The following VRK3 variants were observed in gnomAD, a reference collection of about 807,000 sequenced individuals.
VRK3 encodes serine/threonine-protein kinase VRK3.
VRK3 carries 50 observed loss-of-function variants against 60.4 expected under a neutral mutation model. The observed-to-expected ratio is 0.83, with a 90% confidence interval of 0.66 to 1.05. VRK3 has a LOEUF of 1.05. Among genes scored for constraint, VRK3 ranks in the 50% least tolerant of loss-of-function variants. The pLI is 0.00. For synonymous variants in VRK3, 246 were observed against 227.8 expected (o/e 1.08, Z -0.72); for missense variants, 549 against 585.3 (o/e 0.94, Z 0.64).
chr19:49,980,563 A>G (rs1436951551), intron 13 of VRK3, among the ~76,000 whole-genome samples: 2 of 152,038 alleles, frequency 1.3e-5, no homozygotes, highest in South Asian at 4.2e-4. Context: ...TAAAAATACA[A>G]AAAACTAGCC....
chr19:50,017,941 A>G (rs1356103267), intron 2 of VRK3, among the ~76,000 whole-genome samples: 2 of 152,194 alleles, frequency 1.3e-5, no homozygotes, highest in East Asian at 3.8e-4. Context: ...GATTGTAGGC[A>G]TGAGCTACCA....
At chr19:49,990,788 T>A (rs1304160905) in intron 10 of VRK3, among the ~76,000 whole-genome samples, 2 of 151,732 alleles carry the variant, frequency 1.3e-5, no homozygotes, top group Non-Finnish European at 2.9e-5. Flanking sequence ...AAATAATTTT[T>A]TTTTTTTAAG....
At chr19:49,982,767 ATATATG>A (rs1259953333) in intron 12 of VRK3, among the ~76,000 whole-genome samples, 3 of 152,224 alleles carry the variant, frequency 2.0e-5, no homozygotes, top group Admixed American at 6.5e-5. Flanking sequence ...ACACATACAC[ATATATG>A]TATAACACAA....
At chr19:49,998,946 C>CAAAAAAAAA (rs1774705802) in intron 6 of VRK3, 1 of 45,634 alleles carries the variant, frequency 2.2e-5, no homozygotes, top group Non-Finnish European at 3.9e-5. Flanking sequence ...CCATCTCTAC[C>CAAAAAAAAA]AGAAAAAAAA....
rs4802645 is a variant in VRK3 at position 49,980,898 on chromosome 19, C to T, written c.1276+57G>A. The stretch of plus-strand genomic sequence containing the variant: ...AAGGAGAAGCCACCCCAAGATGGAT[C>T]TGAGCCACCAGGTCCTGCCCGAGTC... On this transcript the variant is annotated intron_variant, in intron 13 of 14. Coordinates refer to ENST00000316763, the MANE Select transcript of VRK3 (RefSeq NM_016440.4). The T allele has an allele frequency of 4.6e-6, 7 of 1,535,796 alleles. No individual in the cohort carries two copies. The Admixed American group carries it at 1.1e-4, about 25-fold the overall frequency.
In VRK3 at chr19:49,992,105, A is replaced by G. The variant is rs201546897; in HGVS notation, c.963+755T>C. On this transcript the variant is annotated intron_variant, in intron 10 of 14. Transcript: ENST00000316763. ...ACCTTCCTAAGACAGGAACTTGTGG[A>G]TCAAAAAACAGGTGCATTTTGGCCG... Among the ~76,000 whole-genome samples the G allele has an allele frequency of 1.5e-4, 23 of 152,324 alleles. No homozygotes were observed. The East Asian group carries it at 4.4e-3, about 29-fold the overall frequency.
chr19:50,010,059 T>TACAC (rs58061544), intron 3 of VRK3, among the ~76,000 whole-genome samples: 6,863 of 151,058 alleles, frequency 0.045, 295 homozygotes, highest in African/African-American at 0.11. Flanking sequence ...TATATATATA[T>TACAC]ACACACACAC....
chr19:49,991,332 G>C (rs1047131365), intron 10 of VRK3, among the ~76,000 whole-genome samples: 1 of 152,134 alleles, frequency 6.6e-6, no homozygotes, highest in African/African-American at 2.4e-5. Flanking sequence ...GCTTGAGCTA[G>C]AACATTGGTC....
At chr19:50,024,964 G>A (rs768061582) in intron 1 of VRK3, 1 of 152,194 alleles carries the variant, frequency 6.6e-6, no homozygotes. Flanking sequence ...CCTCCCTTCG[G>A]CCGCACCTCC....
chr19:49,991,518 T>TACACACACACACACACACAC (rs937491646), intron 10 of VRK3, among the ~76,000 whole-genome samples: 98 of 150,820 alleles, frequency 6.5e-4, no homozygotes, highest in African/African-American at 2.3e-3. Context: ...AATAAATCTC[T>TACACACACACACACACACAC]ACACACACAC....
chr19:49,986,087 G>A (rs1017010475), intron 12 of VRK3, among the ~76,000 whole-genome samples: 1 of 152,194 alleles, frequency 6.6e-6, no homozygotes, highest in Non-Finnish European at 1.5e-5. Context: ...TCAAAATGAC[G>A]ACACACATCC....
intron 9 of VRK3, among the ~76,000 whole-genome samples, chr19:49,993,867 G>T (rs2076654925): frequency 6.6e-6 from 1 of 151,902 alleles, no homozygotes; most frequent in Non-Finnish European, 1.5e-5. Context: ...TCTCCCACAT[G>T]GACCCTCACT....
At chr19:49,981,699 C>T (rs1280969898) in intron 12 of VRK3, 1 of 998,780 alleles carries the variant, frequency 1.0e-6, no homozygotes, top group Non-Finnish European at 1.2e-6. Context: ...GAGGAAAGAT[C>T]CAAGATGGAA....
At chr19:50,014,413 A>G (rs2077041381) in intron 3 of VRK3, among the ~76,000 whole-genome samples, 1 of 149,412 alleles carries the variant, frequency 6.7e-6, no homozygotes, top group African/African-American at 2.4e-5. Flanking sequence ...CAAAAAATCA[A>G]CTGGGCTTGG....
Position 49,995,250 on chromosome 19 carries a change from C to A in VRK3, c.705G>T (p.Ser235=). 3 of 1,614,142 alleles carry A rather than the reference C, an allele frequency of 1.9e-6. No homozygotes were observed. Among genetic ancestry groups the A allele is most frequent in the Non-Finnish European group, 2.5e-6 (3 of 1,180,022 alleles). The part of the protein sequence containing the change: ...LQVNKWKKLY[S]TPLLAIPTCM... ...AGGTAGGGATGGCCAGCAGTGGGGT[C>A]GAGTACAGCTTCTTCCACTTGTTGA... is the stretch of plus-strand genomic sequence containing the variant. The change falls in exon 8 of 15, where the codon TCG becomes TCT. Residue 235 remains serine, a synonymous_variant. Coordinates refer to ENST00000316763, the MANE Select transcript of VRK3 (RefSeq NM_016440.4).
rs1453690956 is a variant in VRK3, at chr19:49,980,085, TA to T, written c.1277-844del. 4.0e-5 allele frequency among the ~76,000 whole-genome samples: 6 copies of T among 151,818 alleles called. No individual in the cohort carries two copies. The East Asian group carries it at 5.8e-4, about 15-fold the overall frequency. ...ATAAAATAAATTTTAAAAAAATAAA[TA>T]ATTAAAAAATGAGCCTTAGAGAGCC... On this transcript the variant is annotated intron_variant, in intron 13 of 14. Coordinates refer to ENST00000316763, the MANE Select transcript of VRK3 (RefSeq NM_016440.4).
chr19:49,979,127 T>C lies in VRK3; in HGVS notation c.1392A>G (p.Pro464=). 1 of 1,613,836 alleles carries C rather than the reference T, an allele frequency of 6.2e-7. No individual in the cohort carries two copies. The highest frequency in any genetic ancestry group is 2.2e-5 in the East Asian group (1 of 44,868). The change falls in exon 14 of 15, where the codon CCA becomes CCG. Residue 464 remains proline, a synonymous_variant. Transcript: ENST00000316763. ...CCATCGGGAGGCCAATGGGGTCATA[T>C]GGAGACACACGCAGATCCTGCAGCA... The part of the protein sequence containing the change: ...EALLQDLRVS[P]YDPIGLPMVP
At position 50,016,089 on chromosome 19, in the gene VRK3, G is replaced by C. The variant is rs1266241139; in HGVS notation, c.74C>G (p.Ser25Cys). ...AFKFCPYCGN[S>C]LPVEEHVGSQ... is the part of the protein sequence containing the mutation. The stretch of plus-strand genomic sequence containing the variant: ...CCCTACATGCTCCTCTACAGGCAAA[G>C]AATTTCCACAGTAGGGGCAGAATTT... The change falls in exon 3 of 15, where the codon TCT becomes TGT. Residue 25 changes from serine to cysteine, a missense_variant. Coordinates refer to ENST00000316763, the MANE Select transcript of VRK3 (RefSeq NM_016440.4). The C allele has an allele frequency of 3.1e-6, 5 of 1,614,116 alleles. No individual in the cohort carries two copies. Among genetic ancestry groups the C allele is most frequent in the Non-Finnish European group, 4.2e-6 (5 of 1,180,052 alleles).
chr19:50,013,778 CAA>C (rs1172003590), intron 3 of VRK3, among the ~76,000 whole-genome samples: 1 of 152,110 alleles, frequency 6.6e-6, no homozygotes, highest in Admixed American at 6.5e-5. Flanking sequence ...TACAGAAACA[CAA>C]AAAGTTTCTG....
Sources: allele counts gnomAD v4.1 joint callset (sites outside exome capture counted in the v4.1 genomes callset), GRCh38; gene constraint gnomAD v4.1.1; transcripts MANE v1.5; gene names NCBI Gene and HGNC (gene_info 2026-07-23, HGNC 2026-07-21).